MAP2K3: variants seen among roughly 807,000 people sequenced by gnomAD.
MAP2K3 encodes the protein mitogen-activated protein kinase kinase 3, also known as dual specificity mitogen-activated protein kinase kinase 3.
In MAP2K3, 30 loss-of-function variants were observed where a neutral mutation model predicts 46.4. The observed-to-expected ratio is 0.65, with a 90% CI of 0.48 to 0.88. The LOEUF (loss-of-function observed/expected upper bound fraction) is 0.88, where lower values mean the gene tolerates loss of function less well. Among genes scored for constraint, MAP2K3 ranks in the 40% least tolerant of loss-of-function variants. MAP2K3 has a pLI of 0.00. For synonymous variants in MAP2K3, 189 were observed against 176.3 expected (o/e 1.07, Z -0.57); for missense variants, 380 against 464.5 (o/e 0.82, Z 1.67).
chr17:21,297,018 G>C (rs1484994543), intron 1 of MAP2K3, among the ~76,000 whole-genome samples: 1 of 152,308 alleles, frequency 6.6e-6, no homozygotes, highest in Non-Finnish European at 1.5e-5. Context: ...GCAGGTATCT[G>C]CTTGCCTGGC....
intron 3 of MAP2K3, among the ~76,000 whole-genome samples, chr17:21,299,368 C>T (rs1451411854): frequency 2.6e-5 from 4 of 152,428 alleles, no homozygotes; most frequent in Non-Finnish European, 5.9e-5. Flanking sequence ...CCGTGCTATG[C>T]CCCGTTCCTC....
At chr17:21,300,691 C>T in intron 4 of MAP2K3, 33 bp downstream of exon 4, 3 of 1,597,700 alleles carry the variant, frequency 1.9e-6, no homozygotes, top group Non-Finnish European at 2.6e-6. Context: ...TGGGAGGGCT[C>T]CCTGGAGGAG....
chr17:21,284,738 G>C lies in MAP2K3; in HGVS notation c.-183G>C, dbSNP rs981094228. On this transcript the variant is annotated 5_prime_UTR_variant, in exon 1 of 12. Coordinates refer to ENST00000342679, the MANE Select transcript of MAP2K3 (RefSeq NM_145109.3). ...TCTGTCTCCGGCGCCGCCCGTCGCG[G>C]ACTCGTCCTTGCTGCAGTCGCCGCC... 3 of 555,964 alleles carry C rather than the reference G, an allele frequency of 5.4e-6. No homozygotes were observed. The highest frequency in any genetic ancestry group is 6.6e-5 in the South Asian group (2 of 30,174). The allele number at this position is 555,964 out of a possible 1,614,324, so 34.4% of individuals were successfully genotyped here.
chr17:21,299,025 G>T (rs1231558231), intron 3 of MAP2K3, 99 bp downstream of exon 3: 1 of 1,529,364 alleles, frequency 6.5e-7, no homozygotes, highest in African/African-American at 1.4e-5. Flanking sequence ...TGACTGAGGG[G>T]TCAGAGAGGG....
intron 7 of MAP2K3, among the ~76,000 whole-genome samples, chr17:21,303,717 C>T (rs1043700370): frequency 1.3e-5 from 2 of 152,428 alleles, no homozygotes; most frequent in Admixed American, 6.5e-5. Context: ...CTGGACCCAC[C>T]TGGGTCTGGT....
intron 5 of MAP2K3, among the ~76,000 whole-genome samples, 199 bp from the exon 6 acceptor site, chr17:21,301,944 C>A (rs184173801): frequency 0.018 from 2,695 of 151,070 alleles, no homozygotes; most frequent in Non-Finnish European, 0.029. Flanking sequence ...GGCGCCCGAA[C>A]CTGGCAGTGC....
At position 21,314,301 on chromosome 17, in the gene MAP2K3, C is replaced by T; in HGVS notation, c.*71C>T. The stretch of plus-strand genomic sequence containing the variant: ...CCCATCTGCGGGGGCAGTGCTCACC[C>T]ACACCATAAGCTACTGCCATCCTGG... On this transcript the variant is annotated 3_prime_UTR_variant, in exon 12 of 12. Transcript: ENST00000342679. The T allele has an allele frequency of 1.5e-6, 2 of 1,331,144 alleles. No individual in the cohort carries two copies. Among genetic ancestry groups the T allele is most frequent in the Admixed American group, 1.7e-5 (1 of 59,546 alleles). The allele number at this position is 1,331,144 out of a possible 1,614,324, so 82.5% of individuals were successfully genotyped here. A position where few individuals can be genotyped will look rare whatever the true frequency, so the allele number is the denominator to read the frequency against.
intron 1 of MAP2K3, among the ~76,000 whole-genome samples, chr17:21,286,114 T>C (rs1975715895): frequency 1.3e-5 from 2 of 152,224 alleles, no homozygotes; most frequent in African/African-American, 4.8e-5. Flanking sequence ...CACCTGCTTC[T>C]GTGGACGTGG....
intron 1 of MAP2K3, among the ~76,000 whole-genome samples, chr17:21,285,674 C>G (rs1251198790): frequency 6.6e-6 from 1 of 152,158 alleles, no homozygotes; most frequent in Non-Finnish European, 1.5e-5. Context: ...ACCGGCCTCT[C>G]TCTGTCTTGA....
intron 8 of MAP2K3, 74 bp from the exon 9 acceptor site, chr17:21,304,977 G>T: frequency 2.6e-6 from 4 of 1,562,706 alleles, no homozygotes; most frequent in Non-Finnish European, 3.5e-6. Context: ...CTCAGTTTGG[G>T]GATTGGGAGG....
At chr17:21,297,049 C>T (rs1976294948) in intron 1 of MAP2K3, among the ~76,000 whole-genome samples, 1 of 152,310 alleles carries the variant, frequency 6.6e-6, no homozygotes, top group East Asian at 1.9e-4. Flanking sequence ...TGCCCACCTG[C>T]CCCAGGATGG....
chr17:21,284,718 C>T lies in MAP2K3; in HGVS notation c.-203C>T, dbSNP rs1025850282. ...GTCTCCCCGGCGCTGCCCAGTCTGT[C>T]TCCGGCGCCGCCCGTCGCGGACTCG... On this transcript the variant is annotated 5_prime_UTR_variant, in exon 1 of 12. Transcript: ENST00000342679. The T allele has an allele frequency of 1.0e-5, 5 of 502,426 alleles. No homozygotes were observed. In the Admixed American group the frequency reaches 1.3e-4, roughly 13 times the overall value. 31.1% of individuals were successfully genotyped at this position (502,426 alleles called of 1,614,324 possible).
chr17:21,299,681 CAAA>C (rs68190120), intron 3 of MAP2K3, among the ~76,000 whole-genome samples: 636 of 132,016 alleles, frequency 4.8e-3, no homozygotes, highest in African/African-American at 0.014. Flanking sequence ...GACCCCGTTT[CAAA>C]AAAAAAAAAA....
chr17:21,290,710 G>A (rs1227757718), intron 1 of MAP2K3, among the ~76,000 whole-genome samples: 1 of 152,308 alleles, frequency 6.6e-6, no homozygotes, highest in Non-Finnish European at 1.5e-5. Context: ...CAGCCTTTGG[G>A]AGGCCGAGAC....
chr17:21,287,857 G>T (rs1975763095), intron 1 of MAP2K3: 2 of 381,360 alleles, frequency 5.2e-6, no homozygotes, highest in Non-Finnish European at 1.0e-5. Context: ...ACTGCCCGAT[G>T]GTGACACTGA....
chr17:21,304,858 C>G (rs1223125959), intron 8 of MAP2K3, among the ~76,000 whole-genome samples, 193 bp from the exon 9 acceptor site: 18 of 152,296 alleles, frequency 1.2e-4, no homozygotes, highest in Non-Finnish European at 2.5e-4. Flanking sequence ...GGGGCCTGCT[C>G]CCGGGTAGGG....
intron 1 of MAP2K3, among the ~76,000 whole-genome samples, chr17:21,296,556 G>A (rs1389611886): frequency 6.6e-6 from 1 of 152,310 alleles, no homozygotes; most frequent in Admixed American, 6.5e-5. Flanking sequence ...GTTGGGGTCT[G>A]CGAGTCAATA....
At chr17:21,291,679 C>T (rs904103401) in intron 1 of MAP2K3, 36 of 431,234 alleles carry the variant, frequency 8.3e-5, no homozygotes, top group African/African-American at 3.6e-4. Flanking sequence ...AGAGTCCCAC[C>T]GATCTGACCC....
Position 21,314,262 on chromosome 17 carries a change from C to G in MAP2K3, c.*32C>G. The G allele has an allele frequency of 6.4e-7, 1 of 1,564,350 alleles. No homozygotes were observed. Among genetic ancestry groups the G allele is most frequent in the Non-Finnish European group, 8.8e-7 (1 of 1,135,846 alleles). ...GGCCTCGGACCCCACTCCGGCCCTC[C>G]AGAGCCCCACAGCCCCATCTGCGGG... On this transcript the variant is annotated 3_prime_UTR_variant, in exon 12 of 12. Coordinates refer to ENST00000342679, the MANE Select transcript of MAP2K3 (RefSeq NM_145109.3).
Sources: allele counts gnomAD v4.1 joint callset (sites outside exome capture counted in the v4.1 genomes callset), GRCh38; gene constraint gnomAD v4.1.1; transcripts MANE v1.5; gene names NCBI Gene and HGNC (gene_info 2026-07-23, HGNC 2026-07-21).